The following NCKAP5 variants were observed in gnomAD, a reference collection of about 807,000 sequenced individuals.
NCKAP5 encodes the protein nck-associated protein 5.
In NCKAP5, 92 loss-of-function variants were observed where a neutral mutation model predicts 167.0. The ratio of observed to expected loss-of-function variants is 0.55; its 90% CI spans 0.47 to 0.66. The LOEUF (loss-of-function observed/expected upper bound fraction) is 0.66. Ranked by LOEUF, NCKAP5 falls within the 30% of genes least tolerant of loss-of-function variation. The pLI, the probability that NCKAP5 is intolerant of heterozygous loss-of-function variation, is 0.00. For missense variants in NCKAP5, 2,378 were observed against 2,315.0 expected, an observed-to-expected ratio of 1.03 and a Z score of -0.56; for synonymous variants, 891 against 877.4, an observed-to-expected ratio of 1.02 and a Z score of -0.27.
chr2:133,397,895 G>A (rs1174502968), intron 3 of NCKAP5, among the ~76,000 whole-genome samples: 1 of 152,206 alleles, frequency 6.6e-6, no homozygotes, highest in Non-Finnish European at 1.5e-5. Context: ...ATCTAAGCCA[G>A]AGGAAGGGAA....
intron 12 of NCKAP5, among the ~76,000 whole-genome samples, chr2:132,795,822 AAAAAAAAAAAAAAAAAC>A (rs1470298950): frequency 1.9e-5 from 1 of 51,958 alleles, no homozygotes; most frequent in Non-Finnish European, 2.9e-5. Flanking sequence ...CCGTATCAGA[AAAAAAAAAAAAAAAAAC>A]AAAAAAAACA....
chr2:133,259,076 G>C (rs560720196), intron 4 of NCKAP5, among the ~76,000 whole-genome samples: 22 of 152,084 alleles, frequency 1.4e-4, no homozygotes, highest in Non-Finnish European at 2.6e-4. Flanking sequence ...CTCTCTTCCA[G>C]GTGCTCAGGT....
the NCKAP5 span, among the ~76,000 whole-genome samples, chr2:133,619,221 G>C: frequency 6.8e-6 from 1 of 147,218 alleles, no homozygotes; most frequent in Admixed American, 6.8e-5. Flanking sequence ...CGAGTTAGTG[G>C]GTGCAGCGCA....
intron 16 of NCKAP5, among the ~76,000 whole-genome samples, chr2:132,734,207 T>C (rs1221083708): frequency 6.6e-6 from 1 of 152,216 alleles, no homozygotes; most frequent in Non-Finnish European, 1.5e-5. Flanking sequence ...AGAATGGTGT[T>C]TTTGAGAAAG....
chr2:133,072,975 A>G (rs541155756), intron 6 of NCKAP5, among the ~76,000 whole-genome samples: 1 of 152,324 alleles, frequency 6.6e-6, no homozygotes, highest in South Asian at 2.1e-4. Flanking sequence ...ACTCCTGAAC[A>G]AAATACATAT....
intron 3 of NCKAP5, among the ~76,000 whole-genome samples, chr2:133,455,347 T>TTC (rs1691783299): frequency 6.6e-6 from 1 of 152,150 alleles, no homozygotes; most frequent in South Asian, 2.1e-4. Context: ...CTTTCCTCCC[T>TTC]TCTAGGCCTT....
intron 19 of NCKAP5, among the ~76,000 whole-genome samples, chr2:132,722,793 G>C (rs138393576): frequency 6.5e-4 from 99 of 151,890 alleles, no homozygotes; most frequent in African/African-American, 2.4e-3. Flanking sequence ...CAGTATACCA[G>C]TGAATTGTAT....
chr2:133,164,916 T>C (rs1403609786), intron 5 of NCKAP5, among the ~76,000 whole-genome samples: 1 of 152,244 alleles, frequency 6.6e-6, no homozygotes, highest in Admixed American at 6.5e-5. Flanking sequence ...AGGACGTCTG[T>C]ATCAACATGC....
chr2:132,835,488 A>G (rs1250296594), intron 11 of NCKAP5, among the ~76,000 whole-genome samples: 1 of 151,984 alleles, frequency 6.6e-6, no homozygotes, highest in Non-Finnish European at 1.5e-5. Flanking sequence ...TTTCATTAGT[A>G]TAAAGCTTTC....
intron 6 of NCKAP5, among the ~76,000 whole-genome samples, chr2:133,044,543 T>C (rs1288900158): frequency 6.6e-6 from 1 of 152,040 alleles, no homozygotes; most frequent in Non-Finnish European, 1.5e-5. Flanking sequence ...TCACAAACAA[T>C]AGATGGACCA....
At chr2:132,719,884 A>G (rs1189684373) in intron 19 of NCKAP5, among the ~76,000 whole-genome samples, 2 of 152,250 alleles carry the variant, frequency 1.3e-5, no homozygotes, top group Non-Finnish European at 2.9e-5. Flanking sequence ...GCAGATTTCT[A>G]GAGGAAAAAA....
intron 12 of NCKAP5, among the ~76,000 whole-genome samples, 157 bp downstream of exon 12, chr2:132,796,471 C>A (rs1684614944): frequency 6.6e-6 from 1 of 152,056 alleles, no homozygotes; most frequent in African/African-American, 2.4e-5. Context: ...AGCTGGGGGA[C>A]ATGATATTGA....
At chr2:133,417,528 T>A (rs887116044) in intron 3 of NCKAP5, among the ~76,000 whole-genome samples, 42 of 152,184 alleles carry the variant, frequency 2.8e-4, no homozygotes, top group African/African-American at 9.9e-4. Context: ...CAGAGAGCTG[T>A]CGAGGTGCAC....
chr2:133,384,430 A>G (rs923956033), intron 3 of NCKAP5, among the ~76,000 whole-genome samples: 3 of 152,162 alleles, frequency 2.0e-5, no homozygotes, highest in Admixed American at 6.5e-5. Context: ...CTGTTTTGGT[A>G]CCAGTGCCAT....
At chr2:132,845,108 CCTGTTAA>C (rs769683559) in intron 11 of NCKAP5, among the ~76,000 whole-genome samples, 60 of 152,238 alleles carry the variant, frequency 3.9e-4, no homozygotes, top group Admixed American at 7.8e-4. Context: ...TGTTTCCTCT[CCTGTTAA>C]CTGTTAACTG....
At chr2:133,324,567 A>G (rs577693309) in intron 3 of NCKAP5, among the ~76,000 whole-genome samples, 6 of 152,256 alleles carry the variant, frequency 3.9e-5, no homozygotes, top group African/African-American at 1.4e-4. Context: ...AGGAATTCCC[A>G]GAATTTCCTC....
chr2:133,144,704 C>T (rs1225895045), intron 5 of NCKAP5, among the ~76,000 whole-genome samples: 4 of 152,174 alleles, frequency 2.6e-5, no homozygotes, highest in South Asian at 2.1e-4. Flanking sequence ...TGTGTGATTA[C>T]GTCTCTGTAC....
chr2:133,503,901 G>T (rs1682763251), intron 3 of NCKAP5, among the ~76,000 whole-genome samples: 1 of 152,194 alleles, frequency 6.6e-6, no homozygotes, highest in South Asian at 2.1e-4. Flanking sequence ...GGAAGATATT[G>T]CCAGGGAGGA....
At chr2:132,932,315 CT>C (rs1426347249) in intron 8 of NCKAP5, among the ~76,000 whole-genome samples, 4 of 151,980 alleles carry the variant, frequency 2.6e-5, no homozygotes, top group Non-Finnish European at 4.4e-5. Flanking sequence ...CTTTGTTTTT[CT>C]TTTCTTTTCT....
Sources: gnomAD v4.1 joint callset for allele counts (sites outside exome capture counted in the v4.1 genomes callset) on GRCh38, gnomAD v4.1.1 for gene constraint, MANE v1.5 for transcripts, NCBI Gene and HGNC (gene_info 2026-07-23, HGNC 2026-07-21) for gene names.